Variants in ITGB5 observed in about 807,000 individuals in gnomAD.
The protein encoded by ITGB5 is integrin subunit beta 5.
In ITGB5, 38 loss-of-function variants were observed where a neutral mutation model predicts 84.8. The ratio of observed to expected loss-of-function variants is 0.45; its 90% CI spans 0.35 to 0.59. ITGB5 has a LOEUF of 0.59. ITGB5 is among the 20% of genes least tolerant of loss of function. ITGB5 has a pLI of 0.01. For missense variants in ITGB5, 905 were observed against 1,034.5 expected (o/e 0.87, Z 1.72); for synonymous variants, 393 against 414.4 (o/e 0.95, Z 0.63).
chr3:124,799,825 AC>A (rs2064289297), intron 9 of ITGB5, among the ~76,000 whole-genome samples: 1 of 152,046 alleles, frequency 6.6e-6, no homozygotes, highest in African/African-American at 2.4e-5. Flanking sequence ...AATGAGGTCT[AC>A]CTCATCGGGG....
At chr3:124,882,638 A>T (rs1934626862) in intron 1 of ITGB5, among the ~76,000 whole-genome samples, 1 of 152,226 alleles carries the variant, frequency 6.6e-6, no homozygotes, top group Non-Finnish European at 1.5e-5. Flanking sequence ...GGACTCTGGG[A>T]AACCATTCGA....
chr3:124,772,446 A>G (rs2063860214), intron 11 of ITGB5, among the ~76,000 whole-genome samples: 1 of 152,168 alleles, frequency 6.6e-6, no homozygotes, highest in African/African-American at 2.4e-5. Context: ...GGGAGCATGA[A>G]CTCATTTCAT....
At chr3:124,868,345 C>T (rs2065423296) in intron 2 of ITGB5, among the ~76,000 whole-genome samples, 1 of 152,142 alleles carries the variant, frequency 6.6e-6, no homozygotes, top group South Asian at 2.1e-4. Context: ...GAGTGTGCTG[C>T]AGAGAGGCAG....
At chr3:124,874,448 CTT>C (rs1162647387) in intron 1 of ITGB5, among the ~76,000 whole-genome samples, 2 of 152,024 alleles carry the variant, frequency 1.3e-5, no homozygotes, top group African/African-American at 4.8e-5. Flanking sequence ...TTAATTCACT[CTT>C]TGTCAAAATC....
intron 1 of ITGB5, among the ~76,000 whole-genome samples, chr3:124,884,475 C>CG (rs1464684282): frequency 6.6e-6 from 1 of 151,972 alleles, no homozygotes; most frequent in Non-Finnish European, 1.5e-5. Flanking sequence ...CCGAGGCGGG[C>CG]GGATCACCTG....
At chr3:124,854,350 G>A (rs1448181054) in intron 3 of ITGB5, among the ~76,000 whole-genome samples, 1 of 152,070 alleles carries the variant, frequency 6.6e-6, no homozygotes, top group Non-Finnish European at 1.5e-5. Flanking sequence ...AAAAAGAATT[G>A]TCCCAAAGTA....
chr3:124,791,256 C>T (rs1036234770), intron 10 of ITGB5: 1 of 152,240 alleles, frequency 6.6e-6, no homozygotes, highest in Non-Finnish European at 1.5e-5. Flanking sequence ...CTCGCACACA[C>T]AGAAACAGTC....
chr3:124,899,505 C>A (rs1370568944), intron 1 of ITGB5, among the ~76,000 whole-genome samples: 1 of 151,956 alleles, frequency 6.6e-6, no homozygotes, highest in African/African-American at 2.4e-5. Context: ...AGCCTTCACA[C>A]AAGATAGAAA....
intron 9 of ITGB5, among the ~76,000 whole-genome samples, chr3:124,805,317 A>T (rs1242498820): frequency 6.6e-6 from 1 of 151,154 alleles, no homozygotes; most frequent in African/African-American, 2.4e-5. Context: ...TGATTTTTGT[A>T]TTTTTGGGGG....
intron 3 of ITGB5, among the ~76,000 whole-genome samples, chr3:124,850,818 A>G (rs1275365468): frequency 1.3e-5 from 2 of 151,984 alleles, no homozygotes; most frequent in Non-Finnish European, 2.9e-5. Context: ...AGACAGACAC[A>G]GCTTGTCCCG....
chr3:124,829,912 C>T (rs574527631), intron 5 of ITGB5, among the ~76,000 whole-genome samples: 2 of 152,320 alleles, frequency 1.3e-5, no homozygotes, highest in East Asian at 3.9e-4. Context: ...TCCTTAAAAT[C>T]TGACCTCACT....
intron 8 of ITGB5, among the ~76,000 whole-genome samples, chr3:124,815,021 T>C (rs138155310): frequency 1.8e-4 from 28 of 152,308 alleles, no homozygotes; most frequent in African/African-American, 6.5e-4. Flanking sequence ...CAGGGAATGC[T>C]TTCCCTTGTC....
Position 124,762,375 on chromosome 3 carries a change from T to C in ITGB5, c.*1248A>G, listed in dbSNP as rs1476520270. On this transcript the variant is annotated 3_prime_UTR_variant, in exon 15 of 15. Transcript: ENST00000296181. Reference sequence around the variant, plus strand: ...ATGGGGTCTTAGGAACAGTTTGTCATTCAGTAACCTCCTAACAAACACTCG... The same window carrying C: ...ATGGGGTCTTAGGAACAGTTTGTCACTCAGTAACCTCCTAACAAACACTCG... 3 of 151,832 alleles carry C rather than the reference T, an allele frequency of 2.0e-5. No homozygotes were observed. The highest frequency in any genetic ancestry group is 6.5e-5 in the Admixed American group (1 of 15,270). 9.4% of individuals were successfully genotyped at this position (151,832 alleles called of 1,614,324 possible). A position where few individuals can be genotyped will look rare whatever the true frequency, so the allele number is the denominator to read the frequency against.
intron 1 of ITGB5, among the ~76,000 whole-genome samples, chr3:124,896,249 T>C (rs1375759355): frequency 6.6e-6 from 1 of 152,168 alleles, no homozygotes; most frequent in Non-Finnish European, 1.5e-5. Flanking sequence ...AATCAGGAAA[T>C]ACTTCATTCC....
intron 12 of ITGB5, among the ~76,000 whole-genome samples, chr3:124,767,658 A>G (rs1260224838): frequency 6.6e-6 from 1 of 152,170 alleles, no homozygotes; most frequent in Non-Finnish European, 1.5e-5. Context: ...CAGGGGCAGG[A>G]AGACAGGCAT....
rs562374294 is a variant in ITGB5 at position 124,898,504 on chromosome 3, C to T, written c.-255+2762G>A. Among the ~76,000 whole-genome samples, 12 of 151,166 alleles carry T rather than the reference C, an allele frequency of 7.9e-5. No individual in the cohort carries two copies. The South Asian group carries it at 2.3e-3, about 29-fold the overall frequency. On this transcript the variant is annotated intron_variant, in intron 1 of 4. Transcript: ENST00000608657. Reference sequence around the variant, plus strand: ...CAAAAATACAAAAAAAATAGCCAGGCGTGGTGGCAGGCACCTGTAGTCCCA... The same window carrying T: ...CAAAAATACAAAAAAAATAGCCAGGTGTGGTGGCAGGCACCTGTAGTCCCA...
chr3:124,853,594 A>C (rs2065185336), intron 3 of ITGB5, among the ~76,000 whole-genome samples: 1 of 152,168 alleles, frequency 6.6e-6, no homozygotes, highest in Non-Finnish European at 1.5e-5. Context: ...GTACACTGTC[A>C]CCCAGGGTGG....
intron 10 of ITGB5, among the ~76,000 whole-genome samples, chr3:124,795,135 G>A (rs2064203928): frequency 6.6e-6 from 1 of 152,162 alleles, no homozygotes; most frequent in Non-Finnish European, 1.5e-5. Context: ...ACGTGGAAGG[G>A]GGACTCTAGA....
At chr3:124,770,962 G>T (rs527659629) in intron 11 of ITGB5, among the ~76,000 whole-genome samples, 1 of 135,200 alleles carries the variant, frequency 7.4e-6, no homozygotes, top group African/African-American at 2.8e-5. Context: ...TTTCTCTCCC[G>T]GCCAGGATTC....
Sources: allele counts gnomAD v4.1 joint callset (sites outside exome capture counted in the v4.1 genomes callset), GRCh38; gene constraint gnomAD v4.1.1; transcripts MANE v1.5; gene names NCBI Gene and HGNC (gene_info 2026-07-23, HGNC 2026-07-21).